Variants in NRG3 observed in about 807,000 individuals in gnomAD.
NRG3 encodes the protein pro-neuregulin-3, membrane-bound isoform.
Under a neutral mutation model 66.9 loss-of-function variants are expected in NRG3, and 31 were observed. The ratio of observed to expected loss-of-function variants is 0.46; its 90% CI spans 0.35 to 0.63. NRG3 has a LOEUF of 0.63. Among genes scored for constraint, NRG3 ranks in the 20% least tolerant of loss-of-function variants. The pLI is 0.00. For synonymous variants in NRG3, 393 were observed against 359.4 expected (o/e 1.09, Z -1.06); for missense variants, 910 against 878.9 (o/e 1.04, Z -0.45).
chr10:82,015,365 A>G (rs1485267124), intron 1 of NRG3, among the ~76,000 whole-genome samples: 2 of 152,258 alleles, frequency 1.3e-5, no homozygotes, highest in African/African-American at 4.8e-5. Flanking sequence ...TCAAAATAGA[A>G]TTTGAGAATA....
intron 2 of NRG3, among the ~76,000 whole-genome samples, chr10:82,466,254 A>G (rs960508365): frequency 1.1e-4 from 16 of 151,930 alleles, no homozygotes; most frequent in African/African-American, 3.1e-4. Flanking sequence ...CAGCTCAACC[A>G]CTGCCTGCCA....
intron 3 of NRG3, among the ~76,000 whole-genome samples, chr10:82,740,311 G>A (rs1048562646): frequency 6.6e-6 from 1 of 150,704 alleles, no homozygotes; most frequent in African/African-American, 2.5e-5. Flanking sequence ...TTCAGTACAG[G>A]TTACAAAGGG....
intron 3 of NRG3, among the ~76,000 whole-genome samples, chr10:82,862,063 A>T (rs1352550934): frequency 3.3e-5 from 5 of 152,146 alleles, no homozygotes; most frequent in African/African-American, 1.2e-4. Flanking sequence ...TAAGGTTAGG[A>T]CCCATACTTA....
At chr10:82,961,642 T>C (rs146560167) in intron 6 of NRG3, among the ~76,000 whole-genome samples, 1 of 152,318 alleles carries the variant, frequency 6.6e-6, no homozygotes, top group East Asian at 1.9e-4. Flanking sequence ...TACAGGCATC[T>C]AGTGGGTAGC....
chr10:82,669,940 A>AG (rs2053130030), intron 2 of NRG3, among the ~76,000 whole-genome samples: 1 of 151,942 alleles, frequency 6.6e-6, no homozygotes, highest in Admixed American at 6.6e-5. Context: ...AAAAAAAAAA[A>AG]GAAAACAAAA....
At position 82,872,037 on chromosome 10, in the gene NRG3, G is replaced by A. The variant is rs1034909797; in HGVS notation, c.1054+6600G>A. Among the ~76,000 whole-genome samples, 10 of 152,092 alleles carry A rather than the reference G, an allele frequency of 6.6e-5. No individual in the cohort carries two copies. In the East Asian group the frequency reaches 1.4e-3, roughly 21 times the overall value. On this transcript the variant is annotated intron_variant, in intron 4 of 8. Coordinates refer to ENST00000372141, the MANE Select transcript of NRG3 (RefSeq NM_001010848.4). The stretch of plus-strand genomic sequence containing the variant: ...TTTCTTATCATTAAAAATTATATTA[G>A]GTATAGATATTTTGTAGATATTCTT...
chr10:81,933,400 TAAG>T (rs939119640), intron 1 of NRG3, among the ~76,000 whole-genome samples: 1 of 152,178 alleles, frequency 6.6e-6, no homozygotes, highest in Non-Finnish European at 1.5e-5. Flanking sequence ...AATAAGATGG[TAAG>T]TAGTAGACAT....
chr10:82,771,695 T>G (rs1369186386), intron 3 of NRG3, among the ~76,000 whole-genome samples: 1 of 152,220 alleles, frequency 6.6e-6, no homozygotes, highest in East Asian at 1.9e-4. Context: ...CTGGATGAGC[T>G]ATTCCTCATT....
chr10:82,549,644 C>T (rs2132868072), intron 2 of NRG3, among the ~76,000 whole-genome samples: 1 of 152,240 alleles, frequency 6.6e-6, no homozygotes, highest in South Asian at 2.1e-4. Flanking sequence ...GAGCATGTCC[C>T]TGGAGAAATT....
chr10:82,419,315 T>A (rs2088880735), intron 2 of NRG3, among the ~76,000 whole-genome samples: 1 of 151,244 alleles, frequency 6.6e-6, no homozygotes, highest in African/African-American at 2.4e-5. Flanking sequence ...AAAGGCAGAG[T>A]TTAAACATTC....
intron 2 of NRG3, among the ~76,000 whole-genome samples, chr10:82,385,083 T>C (rs1284218148): frequency 2.0e-5 from 3 of 152,240 alleles, no homozygotes; most frequent in Non-Finnish European, 4.4e-5. Context: ...TTGAGCTTTT[T>C]ATTTATGTTT....
chr10:82,611,529 C>T (rs895732115), intron 2 of NRG3, among the ~76,000 whole-genome samples: 3 of 152,128 alleles, frequency 2.0e-5, no homozygotes, highest in East Asian at 1.9e-4. Flanking sequence ...TTTGGTTTTC[C>T]GTCCTTGTGA....
chr10:82,738,428 G>T (rs1591367872), intron 2 of NRG3, 149 bp from the exon 3 acceptor site: 1 of 648,644 alleles, frequency 1.5e-6, no homozygotes, highest in Non-Finnish European at 2.7e-6. Context: ...GAATCTGCCT[G>T]TTGAGGTCAG....
chr10:82,108,574 T>C (rs111778337), intron 1 of NRG3, among the ~76,000 whole-genome samples: 2 of 152,210 alleles, frequency 1.3e-5, no homozygotes, highest in African/African-American at 4.8e-5. Context: ...ATATAAATAT[T>C]GACACCATGC....
chr10:82,571,282 C>A, intron 2 of NRG3, among the ~76,000 whole-genome samples: 1 of 151,192 alleles, frequency 6.6e-6, no homozygotes, highest in South Asian at 2.1e-4. Flanking sequence ...AGGGATTGAA[C>A]AAAAAAGGCA....
chr10:82,431,172 A>G (rs2089782501), intron 2 of NRG3, among the ~76,000 whole-genome samples: 1 of 152,122 alleles, frequency 6.6e-6, no homozygotes, highest in South Asian at 2.1e-4. Flanking sequence ...AGGGCTTCTC[A>G]ATGCTTGAAT....
intron 1 of NRG3, among the ~76,000 whole-genome samples, chr10:81,997,245 G>A (rs2060973678): frequency 6.6e-6 from 1 of 152,166 alleles, no homozygotes; most frequent in Non-Finnish European, 1.5e-5. Context: ...TATCGCAGTT[G>A]ACAGTTTGTG....
At chr10:82,931,715 C>T (rs545360334) in intron 4 of NRG3, among the ~76,000 whole-genome samples, 1 of 152,150 alleles carries the variant, frequency 6.6e-6, no homozygotes, top group East Asian at 1.9e-4. Context: ...AAAACACTTT[C>T]TGTGTTTATG....
At chr10:82,391,243 G>T (rs942963053) in intron 2 of NRG3, among the ~76,000 whole-genome samples, 1 of 152,120 alleles carries the variant, frequency 6.6e-6, no homozygotes, top group African/African-American at 2.4e-5. Context: ...AGAGTTTTGT[G>T]AGGCTTCTTT....
Sources: gnomAD v4.1 joint callset for allele counts (sites outside exome capture counted in the v4.1 genomes callset) on GRCh38, gnomAD v4.1.1 for gene constraint, MANE v1.5 for transcripts, NCBI Gene and HGNC (gene_info 2026-07-23, HGNC 2026-07-21) for gene names.